RXRG: variants seen among roughly 807,000 people sequenced by gnomAD.
RXRG encodes the protein retinoic acid receptor RXR-gamma.
A neutral mutation model predicts 49.2 loss-of-function variants in RXRG; 19 were observed. That is an observed-to-expected ratio of 0.39 (90% CI 0.27 to 0.57). The LOEUF is 0.57. RXRG is among the 20% of genes least tolerant of loss of function. The probability of loss-of-function intolerance (pLI) is 0.64; values close to 1 mark genes in which losing one functional copy is unlikely to be tolerated. For missense variants in RXRG, 452 were observed against 592.5 expected (o/e 0.76, Z 2.46); for synonymous variants, 224 against 216.6 (o/e 1.03, Z -0.30).
Position 165,409,703 on chromosome 1 carries a change from G to A in RXRG, c.914-13C>T, listed in dbSNP as rs750826713. ...AATTCATTCCACCCTGCAAGGATAA[G>A]GAGGAGGTCTTGAGGGAAAACAGAA... On this transcript the variant is annotated splice_polypyrimidine_tract_variant and intron_variant, in intron 6 of 9. Coordinates refer to ENST00000359842, the MANE Select transcript of RXRG (RefSeq NM_006917.5). 3.4e-6 allele frequency: 5 copies of A among 1,478,398 alleles called. No homozygotes were observed. Among genetic ancestry groups the A allele is most frequent in the Non-Finnish European group, 4.5e-6 (5 of 1,112,866 alleles). The allele number at this position is 1,478,398 out of a possible 1,614,324, so 91.6% of individuals were successfully genotyped here.
chr1:165,428,432 G>T (rs561094112), intron 2 of RXRG, among the ~76,000 whole-genome samples: 1 of 152,324 alleles, frequency 6.6e-6, no homozygotes, highest in East Asian at 1.9e-4. Context: ...GGTCCATTCT[G>T]CTGAGAGATG....
intron 1 of RXRG, among the ~76,000 whole-genome samples, chr1:165,434,728 A>G (rs922293132): frequency 7.9e-5 from 12 of 152,196 alleles, no homozygotes; most frequent in African/African-American, 2.7e-4. Context: ...CACACACCAA[A>G]GCCTGTCTCT....
At position 165,401,214 on chromosome 1, in the gene RXRG, A is replaced by G. The variant is rs757352692; in HGVS notation, c.*49T>C. ...GAAAGTGCAGGGTGGGGGTCCACAC[A>G]CACCTGCCCAGGGGTCATCCTGGGT... is the stretch of plus-strand genomic sequence containing the variant. On this transcript the variant is annotated 3_prime_UTR_variant, in exon 10 of 10. Coordinates refer to ENST00000359842, the MANE Select transcript of RXRG (RefSeq NM_006917.5). 1 of 1,596,610 alleles carries G rather than the reference A, an allele frequency of 6.3e-7. No homozygotes were observed. Among genetic ancestry groups the G allele is most frequent in the Non-Finnish European group, 8.6e-7 (1 of 1,167,640 alleles).
Position 165,428,797 on chromosome 1 carries a change from G to A in RXRG, c.219C>T (p.Ile73=), listed in dbSNP as rs1334858933. The A allele has an allele frequency of 6.2e-7, 1 of 1,613,960 alleles. No individual in the cohort carries two copies. ...CTGAGGGTGGGCCCATGGCAGAGGT[G>A]ATGACTCGATATGGAGAGCCCAGGG... ...LNALGSPYRV[I]TSAMGPPSGA... Residue 73 remains isoleucine, a synonymous_variant, in exon 2 of 10, where the codon ATC becomes ATT. Transcript: ENST00000359842.
chr1:165,426,116 C>T (rs1232277995), intron 2 of RXRG, among the ~76,000 whole-genome samples: 1 of 152,188 alleles, frequency 6.6e-6, no homozygotes, highest in East Asian at 1.9e-4. Context: ...AATGAGTGAT[C>T]CTCATTTGAG....
intron 4 of RXRG, among the ~76,000 whole-genome samples, chr1:165,413,703 C>T (rs1177858044): frequency 6.6e-6 from 1 of 152,174 alleles, no homozygotes; most frequent in East Asian, 1.9e-4. Context: ...ATAGACATTC[C>T]AGAATTCCTG....
At chr1:165,423,013 T>C (rs776015127) in intron 2 of RXRG, among the ~76,000 whole-genome samples, 17 of 152,188 alleles carry the variant, frequency 1.1e-4, no homozygotes, top group Non-Finnish European at 2.4e-4. Flanking sequence ...AGACTTGCTT[T>C]GGGGCACTTT....
chr1:165,427,555 G>T (rs1658528816), intron 2 of RXRG, among the ~76,000 whole-genome samples: 1 of 152,136 alleles, frequency 6.6e-6, no homozygotes, highest in African/African-American at 2.4e-5. Flanking sequence ...CAATTCTCCT[G>T]CCTCAGCCTC....
chr1:165,441,713 A>G (rs971693424), intron 1 of RXRG, among the ~76,000 whole-genome samples: 2 of 152,172 alleles, frequency 1.3e-5, no homozygotes, highest in African/African-American at 4.8e-5. Context: ...CCTGAGGATT[A>G]CTGCACAATT....
intron 2 of RXRG, among the ~76,000 whole-genome samples, chr1:165,428,157 C>T (rs997951802): frequency 2.6e-5 from 4 of 152,200 alleles, no homozygotes; most frequent in Admixed American, 6.5e-5. Context: ...CATACTTCTT[C>T]TCCTCCATCA....
chr1:165,412,893 T>C (rs1032080600), intron 4 of RXRG, among the ~76,000 whole-genome samples: 1 of 152,226 alleles, frequency 6.6e-6, no homozygotes, highest in Non-Finnish European at 1.5e-5. Context: ...TGAATGCTTC[T>C]TGTATTAATT....
chr1:165,413,284 T>C (rs1658012427), intron 4 of RXRG, among the ~76,000 whole-genome samples: 1 of 152,158 alleles, frequency 6.6e-6, no homozygotes, highest in African/African-American at 2.4e-5. Flanking sequence ...ACTTCTGCCT[T>C]AGGAAAGGAT....
Position 165,419,919 on chromosome 1 carries a change from G to C in RXRG, c.393C>G (p.Pro131=). 1 of 1,613,354 alleles carries C rather than the reference G, an allele frequency of 6.2e-7. No homozygotes were observed. Among genetic ancestry groups the C allele is most frequent in the South Asian group, 1.1e-5 (1 of 90,894 alleles). ...IGNMNYPSTS[P]GSLVKHICAI... is the part of the protein sequence containing the mutation. Reference sequence around the variant, plus strand: ...CACAGATGTGTTTAACCAGAGATCCGGGGCTGGTGGATGGGTAGTTCATGT... The same window carrying C: ...CACAGATGTGTTTAACCAGAGATCCCGGGCTGGTGGATGGGTAGTTCATGT... Residue 131 remains proline, a synonymous_variant, in exon 3 of 10, where the codon CCC becomes CCG. Transcript: ENST00000359842.
intron 1 of RXRG, 28 bp from the exon 2 acceptor site, chr1:165,428,994 G>C (rs370210993): frequency 6.2e-7 from 1 of 1,600,168 alleles, no homozygotes; most frequent in African/African-American, 1.3e-5. Context: ...TAGATGGTGG[G>C]AGGTTGGGGA....
chr1:165,444,117 C>T (rs1043003060), intron 1 of RXRG, among the ~76,000 whole-genome samples: 3 of 152,074 alleles, frequency 2.0e-5, no homozygotes, highest in African/African-American at 4.8e-5. Context: ...ACTGGGCTGC[C>T]CTGCCTGGCA....
chr1:165,413,552 C>T lies in RXRG; in HGVS notation c.623-2443G>A, dbSNP rs538516186. Among the ~76,000 whole-genome samples the T allele has an allele frequency of 9.8e-5, 15 of 152,332 alleles. 1 individual carries two copies. The South Asian group carries it at 3.1e-3, about 32-fold the overall frequency. ...TGGGCCCATCTCTAACCTCTCAGTA[C>T]TGCCTCCAAGGTACTGGGCTAGGTC... On this transcript the variant is annotated intron_variant, in intron 4 of 9. Transcript: ENST00000359842.
At chr1:165,431,912 G>C (rs1396990529) in intron 1 of RXRG, among the ~76,000 whole-genome samples, 1 of 152,100 alleles carries the variant, frequency 6.6e-6, no homozygotes, top group East Asian at 1.9e-4. Flanking sequence ...CTCATTTCTT[G>C]TTATAAAATT....
At chr1:165,435,206 T>C (rs1356952835) in intron 1 of RXRG, among the ~76,000 whole-genome samples, 1 of 152,188 alleles carries the variant, frequency 6.6e-6, no homozygotes, top group African/African-American at 2.4e-5. Flanking sequence ...AAATCTGAAA[T>C]ATCTTGATTC....
At chr1:165,434,592 G>T (rs988097071) in intron 1 of RXRG, among the ~76,000 whole-genome samples, 3 of 152,154 alleles carry the variant, frequency 2.0e-5, no homozygotes, top group African/African-American at 7.2e-5. Context: ...AACGGCTAAT[G>T]CCCACCCATG....
Sources: allele counts gnomAD v4.1 joint callset (sites outside exome capture counted in the v4.1 genomes callset), GRCh38; gene constraint gnomAD v4.1.1; transcripts MANE v1.5; gene names NCBI Gene and HGNC (gene_info 2026-07-23, HGNC 2026-07-21).